Variants in UBE4B observed in about 807,000 individuals in gnomAD.
UBE4B encodes the protein ubiquitin conjugation factor E4 B.
Under a neutral mutation model 148.1 loss-of-function variants are expected in UBE4B, and 27 were observed. The observed-to-expected ratio is 0.18, with a 90% CI of 0.13 to 0.25. UBE4B has a LOEUF of 0.25. Ranked by LOEUF, UBE4B falls within the 10% of genes least tolerant of loss-of-function variation. The pLI is 1.00. For missense variants in UBE4B, 1,170 were observed against 1,662.4 expected (o/e 0.70, Z 5.15); for synonymous variants, 596 against 619.3 (o/e 0.96, Z 0.56).
intron 1 of UBE4B, among the ~76,000 whole-genome samples, chr1:10,062,760 C>T (rs1367618029): frequency 6.6e-6 from 1 of 151,912 alleles, no homozygotes; most frequent in Non-Finnish European, 1.5e-5. Context: ...AGTTCAAGAC[C>T]AGCCTGACCA....
chr1:10,131,977 A>G (rs1186279072), intron 14 of UBE4B, among the ~76,000 whole-genome samples: 1 of 151,862 alleles, frequency 6.6e-6, no homozygotes. Context: ...CAAAAATGCA[A>G]AAACTAGCTG....
In UBE4B at chr1:10,130,388, A is replaced by G. The variant is rs971528515; in HGVS notation, c.1696-112A>G. ...GAGCCACCATGCCTGGCTGAAACAT[A>G]AAAGTTTTAATAATATCTTGTGAAA... On this transcript the variant is annotated intron_variant, in intron 12 of 27. Coordinates refer to ENST00000343090, the MANE Select transcript of UBE4B (RefSeq NM_001105562.3). The G allele has an allele frequency of 1.9e-5, 19 of 985,924 alleles. No individual in the cohort carries two copies. In the African/African-American group the frequency reaches 2.8e-4, roughly 14 times the overall value. 61.1% of individuals were successfully genotyped at this position (985,924 alleles called of 1,614,324 possible).
chr1:10,133,649 G>A (rs1182407269), intron 15 of UBE4B, among the ~76,000 whole-genome samples: 3 of 152,082 alleles, frequency 2.0e-5, no homozygotes, highest in African/African-American at 4.8e-5. Flanking sequence ...GGTGGCTCAC[G>A]CCTGTAATCT....
chr1:10,171,045 A>C, intron 24 of UBE4B, 93 bp from the exon 25 acceptor site: 1 of 1,357,398 alleles, frequency 7.4e-7, no homozygotes, highest in South Asian at 1.4e-5. Context: ...GATTAATCCA[A>C]CCAATTCCTG....
intron 16 of UBE4B, among the ~76,000 whole-genome samples, chr1:10,136,538 T>C (rs906961863): frequency 1.3e-5 from 2 of 150,986 alleles, no homozygotes; most frequent in Admixed American, 1.3e-4. Context: ...TTTAACGAGG[T>C]AGGACAGAAT....
At chr1:10,169,359 C>G (rs1198102703) in intron 24 of UBE4B, among the ~76,000 whole-genome samples, 1 of 152,210 alleles carries the variant, frequency 6.6e-6, no homozygotes, top group African/African-American at 2.4e-5. Context: ...TTATGTGACT[C>G]TCTGTTATGT....
At chr1:10,130,089 T>G (rs1482660077) in intron 12 of UBE4B, among the ~76,000 whole-genome samples, 1 of 152,122 alleles carries the variant, frequency 6.6e-6, no homozygotes, top group Non-Finnish European at 1.5e-5. Flanking sequence ...CATTCTTTTT[T>G]TTGAGACAGA....
intron 14 of UBE4B, among the ~76,000 whole-genome samples, chr1:10,131,678 A>G (rs1176592775): frequency 1.3e-5 from 2 of 152,126 alleles, no homozygotes; most frequent in Non-Finnish European, 2.9e-5. Flanking sequence ...CCTGGCCAAC[A>G]TGGTGAAACC....
chr1:10,173,838 C>A (rs562737257), intron 25 of UBE4B, among the ~76,000 whole-genome samples: 1 of 152,202 alleles, frequency 6.6e-6, no homozygotes, highest in Admixed American at 6.5e-5. Flanking sequence ...GGGCACAGCA[C>A]GCCCAGTGAG....
At chr1:10,102,888 T>G (rs973699729) in intron 4 of UBE4B, 60 bp from the exon 5 acceptor site, 2 of 1,516,296 alleles carry the variant, frequency 1.3e-6, no homozygotes. Flanking sequence ...GTATTCCTAT[T>G]GAAACACCTA....
At chr1:10,051,269 G>A (rs1296279210) in intron 1 of UBE4B, among the ~76,000 whole-genome samples, 1 of 152,160 alleles carries the variant, frequency 6.6e-6, no homozygotes, top group Non-Finnish European at 1.5e-5. Context: ...TGGGGGTATG[G>A]AATACCATCT....
intron 2 of UBE4B, among the ~76,000 whole-genome samples, chr1:10,081,037 T>A (rs1430615606): frequency 1.3e-5 from 2 of 152,206 alleles, no homozygotes; most frequent in South Asian, 2.1e-4. Flanking sequence ...ATATATTTTT[T>A]AAAATTCTAC....
At chr1:10,126,316 T>C (rs1318544922) in intron 10 of UBE4B, among the ~76,000 whole-genome samples, 2 of 151,096 alleles carry the variant, frequency 1.3e-5, no homozygotes, top group Admixed American at 6.6e-5. Context: ...GATAGATAGA[T>C]AGATAGATAG....
chr1:10,131,027 T>C (rs1645584496), intron 14 of UBE4B, among the ~76,000 whole-genome samples: 1 of 152,248 alleles, frequency 6.6e-6, no homozygotes, highest in Non-Finnish European at 1.5e-5. Context: ...GTAGCATCAC[T>C]GGGAACTGGT....
Position 10,107,734 on chromosome 1 carries a change from T to C in UBE4B, c.1196+1151T>C, listed in dbSNP as rs536933060. ...CTGGGATTACAGGCACCCGCCACCATGCCCGGCTAATTTTTGTATTTTTAG... is the reference window on the plus strand; with the variant it reads ...CTGGGATTACAGGCACCCGCCACCACGCCCGGCTAATTTTTGTATTTTTAG... On this transcript the variant is annotated intron_variant, in intron 7 of 27. Transcript: ENST00000343090. Among the ~76,000 whole-genome samples the C allele has an allele frequency of 6.4e-4, 98 of 151,970 alleles. 1 individual carries two copies. The South Asian group carries it at 0.013, about 21-fold the overall frequency.
chr1:10,103,123 G>A (rs1645043084), intron 5 of UBE4B, 31 bp downstream of exon 5: 2 of 1,568,926 alleles, frequency 1.3e-6, no homozygotes, highest in South Asian at 2.3e-5. Context: ...TCTTACTGCA[G>A]AGTACTCGAC....
At chr1:10,071,353 G>A (rs905662179) in intron 1 of UBE4B, among the ~76,000 whole-genome samples, 9 of 152,184 alleles carry the variant, frequency 5.9e-5, no homozygotes, top group African/African-American at 2.2e-4. Flanking sequence ...AGGCCAAGGT[G>A]GGAGGATCAC....
Position 10,132,416 on chromosome 1 carries a change from C to A in UBE4B, c.1959C>A (p.Thr653=), listed in dbSNP as rs1282912550. The A allele has an allele frequency of 6.2e-7, 1 of 1,614,120 alleles. No homozygotes were observed. Among genetic ancestry groups the A allele is most frequent in the Non-Finnish European group, 8.5e-7 (1 of 1,180,014 alleles). ...ILHSILLNGE[T]REAALSYMAA... Reference sequence around the variant, plus strand: ...ATAGTATTTTGTTAAATGGCGAAACCCGTGAGGCTGCTCTCAGTTACATGG... The same window carrying A: ...ATAGTATTTTGTTAAATGGCGAAACACGTGAGGCTGCTCTCAGTTACATGG... Residue 653 remains threonine (T), a synonymous_variant, in exon 15 of 28, where the codon ACC becomes ACA. Transcript: ENST00000343090.
intron 21 of UBE4B, among the ~76,000 whole-genome samples, chr1:10,156,029 C>CAA (rs750295704): frequency 5.8e-5 from 5 of 85,874 alleles, no homozygotes; most frequent in Admixed American, 2.7e-4. Flanking sequence ...GACTCCATCT[C>CAA]AAAAAAAAAA....
Sources: allele counts gnomAD v4.1 joint callset (sites outside exome capture counted in the v4.1 genomes callset), GRCh38; gene constraint gnomAD v4.1.1; transcripts MANE v1.5; gene names NCBI Gene and HGNC (gene_info 2026-07-23, HGNC 2026-07-21).